Variants in KCNH7 observed in about 807,000 individuals in gnomAD.
KCNH7 encodes the protein voltage-gated inwardly rectifying potassium channel KCNH7.
A neutral mutation model predicts 120.8 loss-of-function variants in KCNH7; 49 were observed. The observed-to-expected ratio is 0.41, with a 90% CI of 0.32 to 0.51. KCNH7 has a LOEUF of 0.51. Ranked by LOEUF, KCNH7 falls within the 20% of genes least tolerant of loss-of-function variation. The pLI is 0.38. For missense variants in KCNH7, 1,097 were observed against 1,446.6 expected, an observed-to-expected ratio of 0.76 and a Z score of 3.92; for synonymous variants, 547 against 516.1, an observed-to-expected ratio of 1.06 and a Z score of -0.81.
chr2:162,833,564 T>C (rs1400796364), intron 2 of KCNH7, among the ~76,000 whole-genome samples: 2 of 152,136 alleles, frequency 1.3e-5, no homozygotes, highest in Non-Finnish European at 2.9e-5. Flanking sequence ...AACTGTAAAA[T>C]AGAATCCTCA....
At position 162,446,022 on chromosome 2, in the gene KCNH7, T is replaced by A; in HGVS notation, c.1550A>T (p.Asp517Val). The change falls in exon 7 of 16, where the codon GAT (aspartate) becomes GTT (valine). Residue 517 changes from aspartate (D) to valine (V), a missense_variant. Physicochemically the swap from Asp to Val is radical, Grantham distance 152. Coordinates refer to ENST00000332142, the MANE Select transcript of KCNH7 (RefSeq NM_033272.4). The stretch of plus-strand genomic sequence containing the variant: ...AGAATCTTAAGCAGTTCTTACCTCA[T>A]CAGAACCTGATCCAAAAATCAGCAA... ...FDLLIFGSGS[D>V]ETTTLIGLLK... 2.5e-6 allele frequency: 4 copies of A among 1,612,056 alleles called. No individual in the cohort carries two copies. Among genetic ancestry groups the A allele is most frequent in the Non-Finnish European group, 3.4e-6 (4 of 1,178,962 alleles).
At chr2:162,708,991 T>C (rs1215021329) in intron 2 of KCNH7, among the ~76,000 whole-genome samples, 4 of 152,076 alleles carry the variant, frequency 2.6e-5, no homozygotes, top group Non-Finnish European at 4.4e-5. Flanking sequence ...TAAGGAATTA[T>C]ACAAATGAAA....
At chr2:162,777,140 A>C (rs545963163) in intron 2 of KCNH7, among the ~76,000 whole-genome samples, 2 of 152,252 alleles carry the variant, frequency 1.3e-5, no homozygotes, top group South Asian at 4.1e-4. Context: ...GCTGTTTGAC[A>C]AGTACCACCA....
At chr2:162,533,763 A>G (rs1692013264) in intron 3 of KCNH7, among the ~76,000 whole-genome samples, 1 of 151,720 alleles carries the variant, frequency 6.6e-6, no homozygotes, top group Non-Finnish European at 1.5e-5. Flanking sequence ...AATCCAAGAC[A>G]TATCTGGAGG....
chr2:162,752,166 T>C (rs368373415), intron 2 of KCNH7, among the ~76,000 whole-genome samples: 3 of 152,168 alleles, frequency 2.0e-5, no homozygotes, highest in African/African-American at 7.2e-5. Context: ...TAAATACTTT[T>C]TCTATGTTCA....
chr2:162,793,487 TATA>T (rs1684031078), intron 2 of KCNH7, among the ~76,000 whole-genome samples: 1 of 152,048 alleles, frequency 6.6e-6, no homozygotes, highest in Non-Finnish European at 1.5e-5. Context: ...CAATTCATTT[TATA>T]ATAACATAAA....
rs1042936241 is a variant in KCNH7 at position 162,678,824 on chromosome 2, A to T, written c.308-141744T>A. On this transcript the variant is annotated intron_variant, in intron 2 of 15. Coordinates refer to ENST00000332142, the MANE Select transcript of KCNH7 (RefSeq NM_033272.4). Reference sequence around the variant, plus strand: ...ACTGAGCATGTTTAGGGAATGGGGAAAATATTTGCCTTACATAGGATATTT... The same window carrying T: ...ACTGAGCATGTTTAGGGAATGGGGATAATATTTGCCTTACATAGGATATTT... Among the ~76,000 whole-genome samples, 14 of 151,556 alleles carry T rather than the reference A, an allele frequency of 9.2e-5. 1 individual carries two copies. Among genetic ancestry groups the T allele is most frequent in the Admixed American group, 8.6e-4 (13 of 15,136 alleles).
At chr2:162,792,477 T>C (rs1270842498) in intron 2 of KCNH7, among the ~76,000 whole-genome samples, 1 of 152,094 alleles carries the variant, frequency 6.6e-6, no homozygotes, top group African/African-American at 2.4e-5. Flanking sequence ...ATTGGTCTGT[T>C]CAGGGATTCG....
At chr2:162,375,367 C>A (rs1686126882) in intron 14 of KCNH7, among the ~76,000 whole-genome samples, 1 of 152,134 alleles carries the variant, frequency 6.6e-6, no homozygotes, top group Non-Finnish European at 1.5e-5. Context: ...CAGCAGCTGT[C>A]TCTGAGAAAT....
intron 2 of KCNH7, among the ~76,000 whole-genome samples, chr2:162,764,166 A>G (rs958180876): frequency 6.6e-6 from 1 of 152,142 alleles, no homozygotes; most frequent in Non-Finnish European, 1.5e-5. Context: ...TTTCATGGAA[A>G]ACTCATGTCA....
chr2:162,746,363 C>T (rs1016409103), intron 2 of KCNH7, among the ~76,000 whole-genome samples: 4 of 152,022 alleles, frequency 2.6e-5, no homozygotes, highest in African/African-American at 9.7e-5. Flanking sequence ...TGAGTGTTAA[C>T]ATATAAAAAA....
intron 2 of KCNH7, among the ~76,000 whole-genome samples, chr2:162,562,302 A>G (rs1693100897): frequency 6.6e-6 from 1 of 152,172 alleles, no homozygotes; most frequent in South Asian, 2.1e-4. Flanking sequence ...AATATGAATG[A>G]TTTTTATTAA....
intron 8 of KCNH7, among the ~76,000 whole-genome samples, chr2:162,426,099 A>T (rs1687851836): frequency 6.6e-6 from 1 of 151,776 alleles, no homozygotes; most frequent in Non-Finnish European, 1.5e-5. Context: ...CTGTAGCACC[A>T]GCTATTCCGG....
At chr2:162,698,090 T>C (rs1386930521) in intron 2 of KCNH7, among the ~76,000 whole-genome samples, 1 of 152,202 alleles carries the variant, frequency 6.6e-6, no homozygotes, top group African/African-American at 2.4e-5. Flanking sequence ...TCATAGACTC[T>C]AGTTCATCTT....
intron 2 of KCNH7, among the ~76,000 whole-genome samples, chr2:162,689,163 A>AT: frequency 1.3e-5 from 2 of 151,518 alleles, no homozygotes; most frequent in Non-Finnish European, 2.9e-5. Context: ...TATTATTATT[A>AT]TTATTTGAGA....
chr2:162,823,145 C>T (rs901110901), intron 2 of KCNH7, among the ~76,000 whole-genome samples: 4 of 151,948 alleles, frequency 2.6e-5, no homozygotes, highest in African/African-American at 9.7e-5. Context: ...CTATGTACTA[C>T]TTTTGCAGTG....
chr2:162,674,367 A>C (rs1264339658), intron 2 of KCNH7, among the ~76,000 whole-genome samples: 4 of 151,840 alleles, frequency 2.6e-5, no homozygotes, highest in Admixed American at 2.6e-4. Context: ...AGTAAATGGA[A>C]CAATATCCAC....
At chr2:162,713,122 C>A (rs1671620790) in intron 2 of KCNH7, among the ~76,000 whole-genome samples, 1 of 152,088 alleles carries the variant, frequency 6.6e-6, no homozygotes, top group Non-Finnish European at 1.5e-5. Context: ...ACGGGGCTTC[C>A]CCAGGCTGGT....
At chr2:162,736,466 A>T (rs930112542) in intron 2 of KCNH7, among the ~76,000 whole-genome samples, 2 of 152,216 alleles carry the variant, frequency 1.3e-5, no homozygotes, top group Non-Finnish European at 2.9e-5. Flanking sequence ...AGTGTTTTGT[A>T]TAAGAAATGA....
Sources: allele counts gnomAD v4.1 joint callset (sites outside exome capture counted in the v4.1 genomes callset), GRCh38; gene constraint gnomAD v4.1.1; transcripts MANE v1.5; gene names NCBI Gene and HGNC (gene_info 2026-07-23, HGNC 2026-07-21).